The following STAM2 variants were observed in gnomAD, a reference collection of about 807,000 sequenced individuals.
STAM2 encodes the protein signal transducing adapter molecule 2.
Under a neutral mutation model 65.6 loss-of-function variants are expected in STAM2, and 51 were observed. The ratio of observed to expected loss-of-function variants is 0.78; its 90% CI spans 0.62 to 0.98. The LOEUF (loss-of-function observed/expected upper bound fraction) is 0.98, where lower values mean the gene tolerates loss of function less well. Among genes scored for constraint, STAM2 ranks in the 50% least tolerant of loss-of-function variants. The pLI, the probability that STAM2 is intolerant of heterozygous loss-of-function variation, is 0.00. For synonymous variants in STAM2, 198 were observed against 208.4 expected, an observed-to-expected ratio of 0.95 and a Z score of 0.43; for missense variants, 584 against 617.8, an observed-to-expected ratio of 0.95 and a Z score of 0.58.
intron 11 of STAM2, 129 bp downstream of exon 11, chr2:152,131,985 C>T (rs976264499): frequency 3.3e-6 from 2 of 609,596 alleles, no homozygotes; most frequent in East Asian, 3.0e-5. Flanking sequence ...TTGTTAAAAG[C>T]CTGGGAAACT....
At chr2:152,145,994 G>T (rs554928743) in intron 5 of STAM2, among the ~76,000 whole-genome samples, 2 of 152,000 alleles carry the variant, frequency 1.3e-5, no homozygotes, top group African/African-American at 4.8e-5. Flanking sequence ...TTTTCGGCCA[G>T]CGTGGTGGCT....
chr2:152,167,727 T>G (rs1471075011), intron 1 of STAM2, among the ~76,000 whole-genome samples: 1 of 90,452 alleles, frequency 1.1e-5, no homozygotes, highest in African/African-American at 6.8e-5. Context: ...AAACCTCATT[T>G]CTAGAAAAAA....
chr2:152,159,675 G>A, intron 1 of STAM2, among the ~76,000 whole-genome samples: 1 of 152,102 alleles, frequency 6.6e-6, no homozygotes, highest in East Asian at 1.9e-4. Flanking sequence ...TATGGTTATT[G>A]AAAGTTTTCC....
At chr2:152,175,235 C>T (rs896065099) in intron 1 of STAM2, among the ~76,000 whole-genome samples, 6 of 152,294 alleles carry the variant, frequency 3.9e-5, no homozygotes, top group African/African-American at 9.6e-5. Context: ...CTTCAGAAAA[C>T]GATGGGGCAA....
intron 1 of STAM2, among the ~76,000 whole-genome samples, chr2:152,172,207 A>G (rs1301258975): frequency 6.6e-6 from 1 of 152,210 alleles, no homozygotes; most frequent in Non-Finnish European, 1.5e-5. Context: ...AATCTAGATA[A>G]AATGTTTAAA....
intron 7 of STAM2, among the ~76,000 whole-genome samples, chr2:152,139,085 T>C (rs1689202417): frequency 6.6e-6 from 1 of 152,192 alleles, no homozygotes; most frequent in Non-Finnish European, 1.5e-5. Context: ...ACAAGTTGAT[T>C]CTATGGAATG....
In STAM2 at chr2:152,119,510, A is replaced by T. The variant is rs564647299; in HGVS notation, c.*1064T>A. 6.6e-6 allele frequency: 1 copy of T among 152,266 alleles called. No homozygotes were observed. Among genetic ancestry groups the T allele is most frequent in the South Asian group, 2.1e-4 (1 of 4,832 alleles). The allele number at this position is 152,266 out of a possible 1,614,324, so 9.4% of individuals were successfully genotyped here. ...CTTGAATCACCTCTTTAAAAAAACAACACACCACTAAAAACACACTTATCA... is the reference window on the plus strand; with the variant it reads ...CTTGAATCACCTCTTTAAAAAAACATCACACCACTAAAAACACACTTATCA... On this transcript the variant is annotated 3_prime_UTR_variant, in exon 14 of 14. Transcript: ENST00000263904.
chr2:152,158,114 C>T (rs964954524), intron 1 of STAM2, among the ~76,000 whole-genome samples: 1 of 152,146 alleles, frequency 6.6e-6, no homozygotes, highest in Non-Finnish European at 1.5e-5. Context: ...TTGGTGAATG[C>T]TCAGCAGAGA....
chr2:152,144,810 T>A (rs965685922), intron 6 of STAM2, 78 bp downstream of exon 6: 49 of 1,236,574 alleles, frequency 4.0e-5, no homozygotes, highest in Middle Eastern at 3.9e-4. Flanking sequence ...GTGCTGGGAT[T>A]ACAGGCGTGA....
chr2:152,146,769 T>C (rs972022851), intron 5 of STAM2, among the ~76,000 whole-genome samples: 5 of 152,246 alleles, frequency 3.3e-5, no homozygotes, highest in Non-Finnish European at 7.3e-5. Flanking sequence ...GGTATTAAGA[T>C]AGACAGTATG....
chr2:152,133,458 C>A lies in STAM2; in HGVS notation c.826G>T (p.Asp276Tyr). The change falls in exon 9 of 14, where the codon GAT becomes TAT. Residue 276 changes from aspartate to tyrosine, a missense_variant. Transcript: ENST00000263904. ...TTCTTAATTTCCTCCACATCATCAT[C>A]AATTACATTCAATTTGTCCACAGCC... ...AAAVDKLNVIDDDVEEIKKSE... is the reference protein window; with the variant it reads ...AAAVDKLNVIYDDVEEIKKSE... The A allele has an allele frequency of 1.2e-6, 2 of 1,612,640 alleles. No individual in the cohort carries two copies. Among genetic ancestry groups the A allele is most frequent in the Non-Finnish European group, 1.7e-6 (2 of 1,179,218 alleles).
chr2:152,166,872 A>G (rs1239097809), intron 1 of STAM2, among the ~76,000 whole-genome samples: 1 of 152,216 alleles, frequency 6.6e-6, no homozygotes, highest in Non-Finnish European at 1.5e-5. Flanking sequence ...AGTACAAATG[A>G]GAAGTAAAAT....
intron 1 of STAM2, among the ~76,000 whole-genome samples, chr2:152,169,996 C>A (rs1439568616): frequency 6.6e-6 from 1 of 152,000 alleles, no homozygotes; most frequent in Admixed American, 6.5e-5. Context: ...CACCACCACA[C>A]TCAGCTAAGT....
chr2:152,122,048 C>CA (rs1172684242), intron 13 of STAM2, among the ~76,000 whole-genome samples: 19 of 117,554 alleles, frequency 1.6e-4, no homozygotes, highest in South Asian at 8.9e-4. Flanking sequence ...ACTCCGTCCC[C>CA]AAAAAAAAAA....
intron 13 of STAM2, among the ~76,000 whole-genome samples, chr2:152,121,709 G>A (rs1688855971): frequency 6.6e-6 from 1 of 152,092 alleles, no homozygotes; most frequent in Admixed American, 6.5e-5. Context: ...TGCAAGACTT[G>A]TTTGTTCCTA....
At chr2:152,144,107 G>T in intron 6 of STAM2, 94 bp from the exon 7 acceptor site, 2 of 1,119,390 alleles carry the variant, frequency 1.8e-6, no homozygotes, top group Non-Finnish European at 1.2e-6. Context: ...AATAAATCAA[G>T]CATTTTATTT....
chr2:152,156,614 T>C (rs577972817), intron 1 of STAM2, among the ~76,000 whole-genome samples: 5 of 152,220 alleles, frequency 3.3e-5, no homozygotes, highest in East Asian at 3.9e-4. Flanking sequence ...TCAAATACAA[T>C]GTGAAATAGC....
At chr2:152,150,396 A>G (rs1373723479) in intron 1 of STAM2, among the ~76,000 whole-genome samples, 167 bp from the exon 2 acceptor site, 1 of 152,284 alleles carries the variant, frequency 6.6e-6, no homozygotes, top group Non-Finnish European at 1.5e-5. Flanking sequence ...TTTAAATTGT[A>G]TAATTAAATG....
chr2:152,174,736 G>A (rs1035830805), intron 1 of STAM2, among the ~76,000 whole-genome samples: 3 of 152,312 alleles, frequency 2.0e-5, no homozygotes, highest in Admixed American at 6.5e-5. Context: ...AGCTACTCGG[G>A]AAGGGGAAAC....
Sources: allele counts gnomAD v4.1 joint callset (sites outside exome capture counted in the v4.1 genomes callset), GRCh38; gene constraint gnomAD v4.1.1; transcripts MANE v1.5; gene names NCBI Gene and HGNC (gene_info 2026-07-23, HGNC 2026-07-21).